Variants in WDR35 observed in about 807,000 individuals in gnomAD.
WDR35 encodes WD repeat-containing protein 35.
In WDR35, 118 loss-of-function variants were observed where a neutral mutation model predicts 158.3. That is an observed-to-expected ratio of 0.75 (90% confidence interval 0.64 to 0.87). WDR35 has a LOEUF of 0.87. Ranked by LOEUF, WDR35 falls within the 40% of genes least tolerant of loss-of-function variation. The pLI, the probability that WDR35 is intolerant of heterozygous loss-of-function variation, is 0.00. For missense variants in WDR35, 1,263 were observed against 1,405.8 expected, an observed-to-expected ratio of 0.90 and a Z score of 1.62; for synonymous variants, 448 against 476.1, an observed-to-expected ratio of 0.94 and a Z score of 0.77.
chr2:19,956,999 C>T (rs577096614), intron 11 of WDR35, among the ~76,000 whole-genome samples: 41 of 152,228 alleles, frequency 2.7e-4, no homozygotes, highest in African/African-American at 9.6e-4. Context: ...CACATATTAA[C>T]TCACAACTTC....
intron 10 of WDR35, 49 bp from the exon 11 acceptor site, chr2:19,960,663 T>A: frequency 7.4e-7 from 1 of 1,350,408 alleles, no homozygotes; most frequent in Non-Finnish European, 1.1e-6. Flanking sequence ...TTATGAATAA[T>A]AAAGGAAATA....
intron 25 of WDR35, among the ~76,000 whole-genome samples, chr2:19,918,080 C>T (rs1029876578): frequency 2.0e-5 from 3 of 152,122 alleles, no homozygotes; most frequent in Non-Finnish European, 2.9e-5. Context: ...AGAGTGGGGG[C>T]CAATATTCAA....
rs749233041 is a variant in WDR35, at chr2:19,931,391, T to A, written c.2842A>T (p.Lys948Ter). 1.8e-5 allele frequency: 29 copies of A among 1,613,408 alleles called. No individual in the cohort carries two copies. The South Asian group carries it at 3.2e-4, about 18-fold the overall frequency. ...ACACGTAAAGGTTTACTTCCTTTCT[T>A]TGCCTCTTCATCTGCAATCTTAAAC... ...LMFKIADEEAKKGSKPLRVKK... is the reference protein window; with the variant it reads ...LMFKIADEEA The change falls in exon 24 of 27, where the codon AAG becomes TAG. Residue 948 changes from lysine (K) to a stop codon, truncating the protein, a stop_gained. Coordinates refer to ENST00000281405, the MANE Select transcript of WDR35 (RefSeq NM_020779.4). LOFTEE classifies it high-confidence loss of function.
At chr2:19,915,919 TAAAA>T (rs4035119) in intron 25 of WDR35, among the ~76,000 whole-genome samples, 7 of 124,742 alleles carry the variant, frequency 5.6e-5, no homozygotes, top group Admixed American at 8.1e-5. Context: ...AGACTCCATC[TAAAA>T]AAAAAAAAAA....
chr2:19,980,399 G>GA (rs368681850), intron 4 of WDR35, among the ~76,000 whole-genome samples: 139 of 143,188 alleles, frequency 9.7e-4, no homozygotes, highest in East Asian at 2.6e-3. Context: ...TGGAAATCTG[G>GA]AAAAAAAAAA....
chr2:19,944,304 T>A (rs1670977556), intron 16 of WDR35, among the ~76,000 whole-genome samples: 1 of 152,112 alleles, frequency 6.6e-6, no homozygotes. Flanking sequence ...AAAAACAGTA[T>A]GTTTTTAAAA....
At chr2:19,988,635 G>A (rs549223447) in intron 2 of WDR35, among the ~76,000 whole-genome samples, 1 of 152,272 alleles carries the variant, frequency 6.6e-6, no homozygotes, top group East Asian at 1.9e-4. Flanking sequence ...CTTCAATCTA[G>A]GGGGGCTAAG....
At chr2:19,951,798 TAA>T (rs1192578718) in intron 12 of WDR35, 1 of 213,996 alleles carries the variant, frequency 4.7e-6, no homozygotes, top group Non-Finnish European at 9.3e-6. Flanking sequence ...TGAACATCAG[TAA>T]AGAGTAACAT....
Position 19,938,482 on chromosome 2 carries a change from C to A in WDR35, c.1927-81G>T. On this transcript the variant is annotated intron_variant, in intron 17 of 26. Transcript: ENST00000281405. ...TTCTTTTTTATATTAAAAACCAGAA[C>A]AAAACAAAACAAGAAAAAAAACGGC... is the stretch of plus-strand genomic sequence containing the variant. 712 of 1,366,548 alleles carry A rather than the reference C, an allele frequency of 5.2e-4. No individual in the cohort carries two copies. Among genetic ancestry groups the A allele is most frequent in the East Asian group, 1.2e-3 (44 of 36,230 alleles). The allele number at this position is 1,366,548 out of a possible 1,614,324, so 84.7% of individuals were successfully genotyped here.
At chr2:19,986,906 C>A (rs1056890751) in intron 2 of WDR35, among the ~76,000 whole-genome samples, 5 of 152,080 alleles carry the variant, frequency 3.3e-5, no homozygotes, top group African/African-American at 1.2e-4. Context: ...CCAGTGAATG[C>A]CATTTCTAGA....
rs1250379035 is a variant in WDR35 at position 19,913,095 on chromosome 2, T to A, written c.*463A>T. ...CGACACTTATTTAATTAAATATGGC[T>A]ATAGAGAAAGCTCATTTCATTATTA... On this transcript the variant is annotated 3_prime_UTR_variant, in exon 27 of 27. Transcript: ENST00000281405. The A allele has an allele frequency of 6.4e-6, 1 of 155,540 alleles. No individual in the cohort carries two copies. Among genetic ancestry groups the A allele is most frequent in the Admixed American group, 6.4e-5 (1 of 15,730 alleles). The allele number at this position is 155,540 out of a possible 1,614,324, so 9.6% of individuals were successfully genotyped here.
intron 4 of WDR35, among the ~76,000 whole-genome samples, chr2:19,980,030 C>T (rs570515987): frequency 6.6e-6 from 1 of 152,218 alleles, no homozygotes; most frequent in South Asian, 2.1e-4. Flanking sequence ...TTTACTCACC[C>T]TCTCTCATAG....
At chr2:19,950,538 G>A (rs1671203085) in intron 13 of WDR35, among the ~76,000 whole-genome samples, 2 of 152,208 alleles carry the variant, frequency 1.3e-5, no homozygotes, top group African/African-American at 4.8e-5. Context: ...TAATTTATGT[G>A]AGGGTACAGG....
rs188891990 is a variant in WDR35 at position 19,988,141 on chromosome 2, G to A, written c.142+1024C>T. Among the ~76,000 whole-genome samples the A allele has an allele frequency of 2.8e-4, 42 of 152,254 alleles. No homozygotes were observed. The South Asian group carries it at 4.3e-3, about 16-fold the overall frequency. ...CCTTGTTCCGCCACTTACTGGCTGC[G>A]TGACCTAGGGCAGTTAACAGCTCAG... On this transcript the variant is annotated intron_variant, in intron 2 of 26. Coordinates refer to ENST00000281405, the MANE Select transcript of WDR35 (RefSeq NM_020779.4).
At chr2:19,951,635 C>A in intron 12 of WDR35, 151 bp from the exon 13 acceptor site, 1 of 590,524 alleles carries the variant, frequency 1.7e-6, no homozygotes, top group Non-Finnish European at 2.9e-6. Context: ...ACAGTTAAAT[C>A]TTAATGAAGA....
At chr2:19,921,267 CA>C (rs1670158089) in intron 25 of WDR35, among the ~76,000 whole-genome samples, 3 of 152,072 alleles carry the variant, frequency 2.0e-5, no homozygotes, top group Non-Finnish European at 4.4e-5. Context: ...CCCGCATAGC[CA>C]ACACAATCCT....
At position 19,930,986 on chromosome 2, in the gene WDR35, A is replaced by G. The variant is rs141990385; in HGVS notation, c.2964+283T>C. ...GAAAGTTTTAAAACTCACTGATTAGAAAGGAAGATTTCCCAGGTAAGTAAA... is the reference window on the plus strand; with the variant it reads ...GAAAGTTTTAAAACTCACTGATTAGGAAGGAAGATTTCCCAGGTAAGTAAA... On this transcript the variant is annotated intron_variant, in intron 24 of 26. Transcript: ENST00000281405. Among the ~76,000 whole-genome samples the G allele has an allele frequency of 3.9e-3, 598 of 152,374 alleles. 6 individuals are homozygous for G. Among genetic ancestry groups the G allele is most frequent in the Non-Finnish European group, 5.8e-3 (394 of 68,036 alleles).
At chr2:19,922,665 A>G (rs1243659777) in intron 25 of WDR35, among the ~76,000 whole-genome samples, 1 of 152,190 alleles carries the variant, frequency 6.6e-6, no homozygotes, top group Non-Finnish European at 1.5e-5. Context: ...GTGTATACCT[A>G]TGTAACAAAC....
rs1307362688 is a variant in WDR35 at position 19,914,118 on chromosome 2, T to C, written c.3281A>G (p.Tyr1094Cys). ...ETLSSEQKQQ[Y>C]EDLALEIFTK... ...GAAGATTTCTAAAGCAAGGTCTTCA[T>C]ACTGCTGTTTCTGTTCTGAACTGAG... The change falls in exon 26 of 27, where the codon TAT becomes TGT. Residue 1094 changes from tyrosine to cysteine, a missense_variant. Transcript: ENST00000281405. 1.9e-6 allele frequency: 3 copies of C among 1,614,210 alleles called. No homozygotes were observed. The highest frequency in any genetic ancestry group is 2.2e-5 in the East Asian group (1 of 44,880).
Sources: allele counts gnomAD v4.1 joint callset (sites outside exome capture counted in the v4.1 genomes callset), GRCh38; gene constraint gnomAD v4.1.1; transcripts MANE v1.5; gene names NCBI Gene and HGNC (gene_info 2026-07-23, HGNC 2026-07-21).